CCDC148: variants seen among roughly 807,000 people sequenced by gnomAD.
CCDC148 encodes coiled-coil domain containing 148, also known as coiled-coil domain-containing protein 148.
A neutral mutation model predicts 85.7 loss-of-function variants in CCDC148; 89 were observed. The observed-to-expected ratio is 1.04, with a 90% CI of 0.87 to 1.24. The LOEUF is 1.24. Ranked by LOEUF, CCDC148 falls within the 50% of genes most tolerant of loss-of-function variation. The pLI, the probability that CCDC148 is intolerant of heterozygous loss-of-function variation, is 0.00. For synonymous variants in CCDC148, 230 were observed against 213.9 expected, an observed-to-expected ratio of 1.08 and a Z score of -0.66; for missense variants, 692 against 671.7, an observed-to-expected ratio of 1.03 and a Z score of -0.33.
At chr2:158,230,576 T>C (rs1215033555) in intron 10 of CCDC148, among the ~76,000 whole-genome samples, 2 of 152,136 alleles carry the variant, frequency 1.3e-5, no homozygotes, top group Non-Finnish European at 2.9e-5. Context: ...TGGGGTTAGA[T>C]GATTTGGCCA....
intron 1 of CCDC148, among the ~76,000 whole-genome samples, chr2:158,409,004 CA>C (rs1482034125): frequency 7.2e-5 from 11 of 151,972 alleles, no homozygotes; most frequent in African/African-American, 2.7e-4. Flanking sequence ...GATTTTCGCC[CA>C]TTTTTTCATA....
intron 1 of CCDC148, chr2:158,425,238 C>A: frequency 1.9e-6 from 1 of 537,570 alleles, no homozygotes. Context: ...CTATAGTGGC[C>A]AAGAGAGCAC....
At chr2:158,338,573 C>A (rs1036513591) in intron 7 of CCDC148, 153 bp downstream of exon 7, 2 of 559,446 alleles carry the variant, frequency 3.6e-6, no homozygotes, top group Non-Finnish European at 5.9e-6. Flanking sequence ...AAAAATAAAA[C>A]CCTCTCTATT....
At chr2:158,336,591 G>A (rs1408044902) in intron 7 of CCDC148, among the ~76,000 whole-genome samples, 1 of 152,108 alleles carries the variant, frequency 6.6e-6, no homozygotes, top group Non-Finnish European at 1.5e-5. Context: ...TATTCATCAA[G>A]TGAAACAGAT....
chr2:158,426,020 T>C (rs1368440098), intron 1 of CCDC148, among the ~76,000 whole-genome samples: 1 of 152,062 alleles, frequency 6.6e-6, no homozygotes, highest in African/African-American at 2.4e-5. Flanking sequence ...AGTGGTCTGC[T>C]AGAAAAAGCT....
At chr2:158,419,955 T>C (rs1686692654) in intron 1 of CCDC148, 1 of 152,124 alleles carries the variant, frequency 6.6e-6, no homozygotes, top group African/African-American at 2.4e-5. Flanking sequence ...AAATAGTTGC[T>C]CTGCCATCAC....
intron 11 of CCDC148, among the ~76,000 whole-genome samples, chr2:158,205,462 G>T (rs10207763): frequency 0.28 from 42,538 of 151,976 alleles, 6,097 homozygotes; most frequent in Middle Eastern, 0.34. Flanking sequence ...ATAAGGAGGA[G>T]GGTGTAGAGA....
intron 11 of CCDC148, among the ~76,000 whole-genome samples, chr2:158,218,776 T>C (rs183541736): frequency 4.0e-4 from 61 of 152,346 alleles, no homozygotes; most frequent in African/African-American, 1.4e-3. Context: ...ACTTAGGTCT[T>C]GGTTTGTGTT....
At chr2:158,218,524 G>A (rs1464801803) in intron 11 of CCDC148, among the ~76,000 whole-genome samples, 2 of 152,178 alleles carry the variant, frequency 1.3e-5, no homozygotes, top group African/African-American at 4.8e-5. Context: ...GCAAAAGACT[G>A]AAATGACTCT....
intron 10 of CCDC148, among the ~76,000 whole-genome samples, chr2:158,230,934 A>G (rs1687826267): frequency 6.6e-6 from 1 of 152,174 alleles, no homozygotes; most frequent in Non-Finnish European, 1.5e-5. Context: ...CAGCTGGTTG[A>G]AAGGTGATAC....
chr2:158,249,155 C>T (rs907032037), intron 10 of CCDC148, among the ~76,000 whole-genome samples: 1 of 152,126 alleles, frequency 6.6e-6, no homozygotes, highest in Non-Finnish European at 1.5e-5. Flanking sequence ...CATGGCTTTA[C>T]CTGTCTTTGT....
intron 1 of CCDC148, among the ~76,000 whole-genome samples, chr2:158,389,399 G>A (rs1403801231): frequency 6.6e-6 from 1 of 152,166 alleles, no homozygotes; most frequent in African/African-American, 2.4e-5. Flanking sequence ...GTTTATGTAT[G>A]ACAGAATTCA....
At chr2:158,184,148 G>T (rs980922317) in intron 11 of CCDC148, among the ~76,000 whole-genome samples, 2 of 152,130 alleles carry the variant, frequency 1.3e-5, no homozygotes, top group Non-Finnish European at 2.9e-5. Flanking sequence ...CTGCAAACAG[G>T]AATGTGAATC....
chr2:158,328,900 G>C (rs538549214), intron 7 of CCDC148, among the ~76,000 whole-genome samples: 1 of 149,270 alleles, frequency 6.7e-6, no homozygotes, highest in South Asian at 2.1e-4. Context: ...GTTCATTGTA[G>C]ATTCTGGATA....
rs775672149 is a variant in CCDC148 at position 158,340,284 on chromosome 2, T to G, written c.444A>C (p.Ser148=). The G allele has an allele frequency of 1.2e-6, 2 of 1,613,964 alleles. No homozygotes were observed. Among genetic ancestry groups the G allele is most frequent in the Admixed American group, 3.3e-5 (2 of 60,008 alleles). The part of the protein sequence containing the change: ...KYRQHHTLQH[S]HPHIEFNSMK... ...TGGAGTTAAACTCAATATGTGGGTGTGAATGCTGCAAAGTGTGATGCTGTC... is the reference window on the plus strand; with the variant it reads ...TGGAGTTAAACTCAATATGTGGGTGGGAATGCTGCAAAGTGTGATGCTGTC... The change falls in exon 5 of 14, where the codon TCA becomes TCC. Residue 148 remains serine (S), a synonymous_variant. Transcript: ENST00000283233.
At chr2:158,220,477 T>C in intron 11 of CCDC148, 118 bp downstream of exon 11, 1 of 670,176 alleles carries the variant, frequency 1.5e-6, no homozygotes. Context: ...TGAATATAAA[T>C]ATTGAAAGGA....
At chr2:158,439,111 C>T (rs1433833390) in intron 1 of CCDC148, among the ~76,000 whole-genome samples, 7 of 152,184 alleles carry the variant, frequency 4.6e-5, no homozygotes. Context: ...TTTGACCCAG[C>T]CATCCCATTA....
At chr2:158,375,786 TCTC>T (rs1370569406) in intron 1 of CCDC148, among the ~76,000 whole-genome samples, 1 of 152,150 alleles carries the variant, frequency 6.6e-6, no homozygotes, top group African/African-American at 2.4e-5. Flanking sequence ...CCTTGCCCTT[TCTC>T]CTTTCTTCCT....
intron 1 of CCDC148, among the ~76,000 whole-genome samples, chr2:158,438,931 A>G (rs1460448970): frequency 6.6e-6 from 1 of 152,214 alleles, no homozygotes; most frequent in Non-Finnish European, 1.5e-5. Flanking sequence ...ATGAGATACC[A>G]TCTCATACTA....
Sources: allele counts gnomAD v4.1 joint callset (sites outside exome capture counted in the v4.1 genomes callset), GRCh38; gene constraint gnomAD v4.1.1; transcripts MANE v1.5; gene names NCBI Gene and HGNC (gene_info 2026-07-23, HGNC 2026-07-21).